RGS7: variants seen among roughly 807,000 people sequenced by gnomAD.
RGS7 encodes the protein regulator of G protein signaling 7.
A neutral mutation model predicts 81.1 loss-of-function variants in RGS7; 27 were observed. That is an observed-to-expected ratio of 0.33 (90% CI 0.25 to 0.46). RGS7 has a LOEUF of 0.46. Among genes scored for constraint, RGS7 ranks in the 20% least tolerant of loss-of-function variants. The pLI is 1.00. For synonymous variants in RGS7, 208 were observed against 207.7 expected (o/e 1.00, Z -0.01); for missense variants, 396 against 607.4 (o/e 0.65, Z 3.66).
At chr1:240,852,112 G>A (rs1025567144) in intron 9 of RGS7, among the ~76,000 whole-genome samples, 1 of 151,932 alleles carries the variant, frequency 6.6e-6, no homozygotes, top group Non-Finnish European at 1.5e-5. Context: ...GAAATCTTTT[G>A]CAAAAAAAAG....
chr1:240,868,082 GA>G lies in RGS7; in HGVS notation c.609+504del, dbSNP rs1359456261. Among the ~76,000 whole-genome samples, 2 of 126,034 alleles carry G rather than the reference GA, an allele frequency of 1.6e-5. No homozygotes were observed. The highest frequency in any genetic ancestry group is 6.0e-5 in the African/African-American group (2 of 33,356). 82.7% of individuals were successfully genotyped at this position (126,034 alleles called of 152,430 possible). A position where few individuals can be genotyped will look rare whatever the true frequency, so the allele number is the denominator to read the frequency against. The stretch of plus-strand genomic sequence containing the variant: ...AAGAAAAGAAGAGAAAAGAAAGAAA[GA>G]AAAAGAAAGAAAAGAAAAAGAAAGA... On this transcript the variant is annotated intron_variant, in intron 9 of 18. Coordinates refer to ENST00000440928, the MANE Select transcript of RGS7 (RefSeq NM_001364886.1). The surrounding 1 kb of genome is among the most constrained non-coding windows in gnomAD (Gnocchi z 5.1).
At chr1:241,094,421 G>C (rs1385330953) in intron 3 of RGS7, among the ~76,000 whole-genome samples, 4 of 152,168 alleles carry the variant, frequency 2.6e-5, no homozygotes, top group Non-Finnish European at 5.9e-5. Context: ...AACCTGTGCA[G>C]CTGCCTGAGC....
intron 3 of RGS7, among the ~76,000 whole-genome samples, chr1:240,988,212 T>A (rs1685956281): frequency 6.6e-6 from 1 of 150,424 alleles, no homozygotes; most frequent in African/African-American, 2.5e-5. Context: ...GCTGAAAAAG[T>A]CAGCTCTAAT....
At chr1:241,137,888 T>C (rs117365444) in intron 2 of RGS7, among the ~76,000 whole-genome samples, 1,945 of 152,264 alleles carry the variant, frequency 0.013, 52 homozygotes, top group East Asian at 0.06. Context: ...TAGGGAATAA[T>C]GGCCGGGCAC....
At chr1:241,284,637 G>C (rs951658119) in intron 2 of RGS7, among the ~76,000 whole-genome samples, 3 of 152,196 alleles carry the variant, frequency 2.0e-5, no homozygotes, top group Non-Finnish European at 2.9e-5. Context: ...AGTGAAGGAA[G>C]TCTCAATGCC....
intron 2 of RGS7, among the ~76,000 whole-genome samples, chr1:241,184,719 C>A (rs2071940706): frequency 6.6e-6 from 1 of 152,006 alleles, no homozygotes; most frequent in Non-Finnish European, 1.5e-5. Context: ...TAGGCCCCAT[C>A]CCCCAAGAAA....
intron 4 of RGS7, among the ~76,000 whole-genome samples, chr1:240,973,271 C>A (rs1170113226): frequency 6.6e-6 from 1 of 152,056 alleles, no homozygotes; most frequent in Admixed American, 6.5e-5. Flanking sequence ...TGTATTCCAG[C>A]GCTTTGGGAG....
intron 3 of RGS7, among the ~76,000 whole-genome samples, chr1:241,068,238 G>GTGTA: frequency 0.024 from 847 of 35,712 alleles, 113 homozygotes; most frequent in African/African-American, 0.075. Flanking sequence ...GTGTGTGTGT[G>GTGTA]TATATATATA....
intron 10 of RGS7, among the ~76,000 whole-genome samples, chr1:240,825,079 C>A (rs1236445695): frequency 6.6e-6 from 1 of 152,150 alleles, no homozygotes; most frequent in Non-Finnish European, 1.5e-5. Context: ...GCGGCCCCGG[C>A]AGACTACATG....
intron 3 of RGS7, among the ~76,000 whole-genome samples, chr1:241,063,312 G>A (rs551355523): frequency 1.6e-4 from 24 of 152,216 alleles, no homozygotes; most frequent in Non-Finnish European, 2.6e-4. Context: ...TCCATTACTG[G>A]GTCGATGGTG....
Position 241,259,381 on chromosome 1 carries a change from G to A in RGS7, c.78+96318C>T, listed in dbSNP as rs138727706. On this transcript the variant is annotated intron_variant, in intron 2 of 18. Coordinates refer to ENST00000440928, the MANE Select transcript of RGS7 (RefSeq NM_001364886.1). ...ACAAATTATGTATTACTGGCCAGGC[G>A]CAGTGGCTCACACCTGTAATCCCAG... Among the ~76,000 whole-genome samples the A allele has an allele frequency of 9.4e-3, 1,432 of 151,886 alleles. 10 individuals carry two copies. Among genetic ancestry groups the A allele is most frequent in the African/African-American group, 0.018 (728 of 41,402 alleles).
At chr1:241,296,168 AGG>A (rs2079410526) in intron 2 of RGS7, among the ~76,000 whole-genome samples, 1 of 152,128 alleles carries the variant, frequency 6.6e-6, no homozygotes, top group Admixed American at 6.5e-5. Flanking sequence ...AAGGAAGAGC[AGG>A]AGAGGGAGGA....
chr1:240,825,046 C>T (rs1692557765), intron 10 of RGS7, among the ~76,000 whole-genome samples: 1 of 152,154 alleles, frequency 6.6e-6, no homozygotes, highest in South Asian at 2.1e-4. Flanking sequence ...TTTAAACCAC[C>T]TAGTTTGTGG....
intron 9 of RGS7, among the ~76,000 whole-genome samples, chr1:240,850,185 T>G (rs969080752): frequency 9.2e-5 from 14 of 152,262 alleles, no homozygotes; most frequent in African/African-American, 3.4e-4. Flanking sequence ...TGTGGGTTTT[T>G]GTTTTTGTTT....
rs186258288 is a variant in RGS7, at chr1:241,001,967, T to G, written c.176-18838A>C. Among the ~76,000 whole-genome samples, 445 of 152,072 alleles carry G rather than the reference T, an allele frequency of 2.9e-3. 3 individuals are homozygous for G. Among genetic ancestry groups the G allele is most frequent in the African/African-American group, 0.01 (427 of 41,454 alleles). ...TGATAATGACGCGTCAGTGCGATAA[T>G]GATGGCCCCTGTGCGATAATGATGC... On this transcript the variant is annotated intron_variant, in intron 3 of 18. Transcript: ENST00000440928.
chr1:241,342,912 G>C (rs1473896913), intron 2 of RGS7, among the ~76,000 whole-genome samples: 2 of 152,056 alleles, frequency 1.3e-5, no homozygotes, highest in Non-Finnish European at 2.9e-5. Flanking sequence ...TGTCCTGCTG[G>C]TGGAGATGTC....
intron 4 of RGS7, among the ~76,000 whole-genome samples, chr1:240,981,035 T>C (rs1418987878): frequency 2.0e-5 from 3 of 152,194 alleles, no homozygotes; most frequent in Non-Finnish European, 4.4e-5. Flanking sequence ...TGTTTCTTAC[T>C]AGCTTATGAT....
At chr1:240,882,071 G>C (rs261839) in intron 6 of RGS7, among the ~76,000 whole-genome samples, 111,055 of 151,914 alleles carry the variant, frequency 0.73, 40,739 homozygotes, top group Middle Eastern at 0.82. Context: ...TGCATAGCCA[G>C]GCCCAGCTAA....
rs2081744594 is a variant in RGS7 at position 241,328,352 on chromosome 1, T to C, written c.78+27347A>G. On this transcript the variant is annotated intron_variant, in intron 2 of 18. Transcript: ENST00000440928. ...CTGGTCCACTGCATGCCTTACACTT[T>C]TGTGATGCTGTGGACTTTTGAGAAG... is the stretch of plus-strand genomic sequence containing the variant. Among the ~76,000 whole-genome samples the C allele has an allele frequency of 2.0e-5, 3 of 152,224 alleles. 1 individual carries two copies. The highest frequency in any genetic ancestry group is 7.2e-5 in the African/African-American group (3 of 41,452).
Sources: allele counts gnomAD v4.1 joint callset (sites outside exome capture counted in the v4.1 genomes callset), GRCh38; gene constraint gnomAD v4.1.1; non-coding constraint Gnocchi (gnomAD v3.1); transcripts MANE v1.5; gene names NCBI Gene and HGNC (gene_info 2026-07-23, HGNC 2026-07-21).